CNIH3: variants seen among roughly 807,000 people sequenced by gnomAD.
CNIH3 encodes protein cornichon homolog 3.
A neutral mutation model predicts 24.1 loss-of-function variants in CNIH3; 14 were observed. The ratio of observed to expected loss-of-function variants is 0.58; its 90% CI spans 0.38 to 0.91. The LOEUF is 0.91. Ranked by LOEUF, CNIH3 falls within the 40% of genes least tolerant of loss-of-function variation. CNIH3 has a pLI of 0.00. For synonymous variants in CNIH3, 68 were observed against 73.8 expected (o/e 0.92, Z 0.40); for missense variants, 178 against 196.8 (o/e 0.90, Z 0.57).
At chr1:224,613,053 C>G (rs916561503), upstream of CNIH3, among the ~76,000 whole-genome samples, 1 of 152,134 alleles carries the variant, frequency 6.6e-6, no homozygotes, top group African/African-American at 2.4e-5. Flanking sequence ...AGGTGGGGTG[C>G]AGTGGCATGA....
intron 1 of CNIH3, among the ~76,000 whole-genome samples, chr1:224,662,507 C>T (rs1010063556): frequency 3.3e-5 from 5 of 152,118 alleles, no homozygotes; most frequent in African/African-American, 1.2e-4. Flanking sequence ...CTGTGCCAAA[C>T]TCTGACACTT....
At chr1:224,688,925 CAAA>C (rs764640865) in intron 3 of CNIH3, among the ~76,000 whole-genome samples, 12 of 91,216 alleles carry the variant, frequency 1.3e-4, no homozygotes, top group African/African-American at 7.9e-5. Context: ...AGATCTGTCT[CAAA>C]AAAAAAAAAA....
chr1:224,672,201 T>C (rs946534134), intron 1 of CNIH3, among the ~76,000 whole-genome samples: 4 of 151,904 alleles, frequency 2.6e-5, no homozygotes, highest in African/African-American at 9.7e-5. Flanking sequence ...GAGCGTGGGT[T>C]TGGGGGACTT....
At chr1:224,614,030 C>T (rs911532001), upstream of CNIH3, among the ~76,000 whole-genome samples, 1 of 152,050 alleles carries the variant, frequency 6.6e-6, no homozygotes, top group Non-Finnish European at 1.5e-5. Flanking sequence ...AGGTGCATGC[C>T]ACCACACCCG....
intron 1 of CNIH3, among the ~76,000 whole-genome samples, chr1:224,446,137 G>C (rs780809375): frequency 1.3e-5 from 2 of 150,660 alleles, no homozygotes; most frequent in African/African-American, 2.4e-5. Context: ...AGTTTGTGCT[G>C]ATACCATACT....
chr1:224,711,561 G>A (rs964686633), intron 3 of CNIH3, among the ~76,000 whole-genome samples: 1 of 151,808 alleles, frequency 6.6e-6, no homozygotes, highest in African/African-American at 2.4e-5. Context: ...TTGGGAGGCT[G>A]AGGTGGGTGG....
Position 224,641,177 on chromosome 1 carries a change from C to T in CNIH3, c.81+23922C>T, listed in dbSNP as rs868097507. Among the ~76,000 whole-genome samples, 36 of 152,252 alleles carry T rather than the reference C, an allele frequency of 2.4e-4. No homozygotes were observed. In the Middle Eastern group the frequency reaches 0.014, roughly 58 times the overall value. On this transcript the variant is annotated intron_variant, in intron 1 of 5. Coordinates refer to ENST00000272133, the MANE Select transcript of CNIH3 (RefSeq NM_152495.2). ...TGGGCTAAGCCTCCTCGGCATACAT[C>T]GGCACTACCCTGCTGCTGCCCTGAG...
At chr1:224,696,727 C>T (rs180831192) in intron 3 of CNIH3, among the ~76,000 whole-genome samples, 4 of 152,186 alleles carry the variant, frequency 2.6e-5, no homozygotes, top group Non-Finnish European at 5.9e-5. Context: ...TCATTTAGCA[C>T]CTACCATGTA....
chr1:224,587,611 G>A (rs1360702453), intron 5 of CNIH3, among the ~76,000 whole-genome samples: 1 of 152,162 alleles, frequency 6.6e-6, no homozygotes. Context: ...TTTAAGATCT[G>A]TGTGGTGTGC....
chr1:224,653,097 C>T (rs10429870), intron 1 of CNIH3, among the ~76,000 whole-genome samples: 15,799 of 152,232 alleles, frequency 0.1, 1,039 homozygotes, highest in East Asian at 0.23. Flanking sequence ...CCTTGTCAAC[C>T]ATTTTTTGGC....
In CNIH3 at chr1:224,440,847, C is replaced by T. The variant is rs557359725; in HGVS notation, n.203+5985C>T. Among the ~76,000 whole-genome samples, 645 of 149,242 alleles carry T rather than the reference C, an allele frequency of 4.3e-3. 4 individuals are homozygous for T. The highest frequency in any genetic ancestry group is 5.7e-3 in the Non-Finnish European group (387 of 67,482). On this transcript the variant is annotated intron_variant and non_coding_transcript_variant, in intron 1 of 5. Coordinates refer to the CNIH3 transcript ENST00000471578. ...TTTTTTTTTTTTTGAGACGGAGTCT[C>T]GCTCTGTCACCCAGGCTGGAGTGCA...
At chr1:224,448,520 A>G (rs1053199820) in intron 1 of CNIH3, among the ~76,000 whole-genome samples, 7 of 152,154 alleles carry the variant, frequency 4.6e-5, no homozygotes, top group Non-Finnish European at 7.4e-5. Context: ...TGTCACCTTA[A>G]AGTTTTCTTG....
At chr1:224,509,009 C>T (rs1678028834) in intron 1 of CNIH3, among the ~76,000 whole-genome samples, 1 of 152,100 alleles carries the variant, frequency 6.6e-6, no homozygotes, top group African/African-American at 2.4e-5. Context: ...TCGTCTACTC[C>T]TGGGCAAACC....
chr1:224,506,270 C>CGT (rs1491536006), intron 1 of CNIH3, among the ~76,000 whole-genome samples: 6 of 115,578 alleles, frequency 5.2e-5, no homozygotes, highest in Non-Finnish European at 7.6e-5. Flanking sequence ...TGCACGCACA[C>CGT]GCGCGCGCGC....
chr1:224,722,355 T>C (rs1159010682), intron 3 of CNIH3, among the ~76,000 whole-genome samples: 1 of 152,188 alleles, frequency 6.6e-6, no homozygotes, highest in East Asian at 1.9e-4. Flanking sequence ...GAGTGGAACC[T>C]GGAAATCTGC....
chr1:224,486,132 G>A (rs1284421298), intron 1 of CNIH3, among the ~76,000 whole-genome samples: 1 of 152,098 alleles, frequency 6.6e-6, no homozygotes, highest in Non-Finnish European at 1.5e-5. Context: ...TTGAGACAGG[G>A]TCTGGCTCTG....
At chr1:224,641,731 C>T (rs1051770881) in intron 1 of CNIH3, among the ~76,000 whole-genome samples, 6 of 152,184 alleles carry the variant, frequency 3.9e-5, no homozygotes, top group African/African-American at 1.4e-4. Flanking sequence ...TCAGAGGATG[C>T]GGCCTCTACC....
intron 1 of CNIH3, among the ~76,000 whole-genome samples, chr1:224,647,123 C>T (rs1262108957): frequency 6.6e-6 from 1 of 152,128 alleles, no homozygotes; most frequent in Non-Finnish European, 1.5e-5. Flanking sequence ...AGTGGGGTTA[C>T]AGGCACCCGC....
chr1:224,641,406 C>T (rs1030645490), intron 1 of CNIH3, among the ~76,000 whole-genome samples: 7 of 152,234 alleles, frequency 4.6e-5, no homozygotes, highest in Admixed American at 1.3e-4. Flanking sequence ...CTTTTATTCA[C>T]GGATGCCCTC....
Sources: gnomAD v4.1 joint callset for allele counts (sites outside exome capture counted in the v4.1 genomes callset) on GRCh38, gnomAD v4.1.1 for gene constraint, MANE v1.5 for transcripts, NCBI Gene and HGNC (gene_info 2026-07-23, HGNC 2026-07-21) for gene names.